PUM1: variants seen among roughly 807,000 people sequenced by gnomAD.
The protein encoded by PUM1 is pumilio homolog 1.
In PUM1, 13 loss-of-function variants were observed where a neutral mutation model predicts 131.8. The observed-to-expected ratio is 0.10, with a 90% CI of 0.06 to 0.16. PUM1 has a LOEUF of 0.16. PUM1 is among the 10% of genes least tolerant of loss of function. The pLI, the probability that PUM1 is intolerant of heterozygous loss-of-function variation, is 1.00. For missense variants in PUM1, 961 were observed against 1,512.4 expected, an observed-to-expected ratio of 0.64 and a Z score of 6.05; for synonymous variants, 509 against 556.5, an observed-to-expected ratio of 0.91 and a Z score of 1.20.
chr1:30,978,148 G>C (rs757964849), intron 9 of PUM1, among the ~76,000 whole-genome samples: 1 of 152,078 alleles, frequency 6.6e-6, no homozygotes, highest in African/African-American at 2.4e-5. Flanking sequence ...AGGAGGTTGA[G>C]GTAGGAGAAT....
intron 2 of PUM1, chr1:31,055,362 G>A (rs149564589): frequency 3.9e-5 from 18 of 456,128 alleles, no homozygotes; most frequent in Admixed American, 1.6e-4. Flanking sequence ...CAATCAACAC[G>A]AAAGTTTCAT....
intron 11 of PUM1, among the ~76,000 whole-genome samples, chr1:30,967,916 C>G (rs1640690420): frequency 6.6e-6 from 1 of 152,114 alleles, no homozygotes; most frequent in Admixed American, 6.5e-5. Flanking sequence ...AGGTAGACAG[C>G]TAAAAAGGAC....
chr1:30,952,433 G>T, intron 15 of PUM1, 70 bp from the exon 16 acceptor site: 1 of 1,603,900 alleles, frequency 6.2e-7, no homozygotes, highest in Middle Eastern at 1.7e-4. Flanking sequence ...GTGTACCTCG[G>T]TTTATAGACT....
rs1163924098 is a variant in PUM1 at position 30,966,240 on chromosome 1, C to T, written c.1828G>A (p.Gly610Ser). 1.2e-6 allele frequency: 2 copies of T among 1,608,384 alleles called. No homozygotes were observed. The highest frequency in any genetic ancestry group is 1.7e-6 in the Non-Finnish European group (2 of 1,175,828). ...CCATTTGTTGTTCCAGCAAGACCAC[C>T]AGCTGCTCCATTTGCTGAAGCTGCG... The part of the protein sequence containing the change: ...AAAASANGAA[G>S]GLAGTTNGPF... Residue 610 changes from glycine to serine, a missense_variant, in exon 13 of 22, where the codon GGT (glycine) becomes AGT (serine). Coordinates refer to ENST00000426105, the MANE Select transcript of PUM1 (RefSeq NM_001020658.2).
rs1640609814 is a variant in PUM1 at position 30,966,104 on chromosome 1, G to A, written c.1964C>T (p.Ser655Leu). ...FYGNNSLNSNSQSSSLFSQGS... is the reference protein window; with the variant it reads ...FYGNNSLNSNLQSSSLFSQGS... ...CTGGGAGAAGAGGGAGCTGCTCTGTGAATTGCTGTTCAGAGAGTTGTTGCC... is the reference window on the plus strand; with the variant it reads ...CTGGGAGAAGAGGGAGCTGCTCTGTAAATTGCTGTTCAGAGAGTTGTTGCC... Residue 655 changes from serine to leucine, a missense_variant, in exon 13 of 22, where the codon TCA becomes TTA. Physicochemically the swap from Ser to Leu is moderately radical, Grantham distance 145 (BLOSUM62 -2). Transcript: ENST00000426105. 6.2e-7 allele frequency: 1 copy of A among 1,614,194 alleles called. No individual in the cohort carries two copies. Among genetic ancestry groups the A allele is most frequent in the Non-Finnish European group, 8.5e-7 (1 of 1,180,024 alleles).
At chr1:31,021,207 G>A (rs1570287778) in intron 3 of PUM1, among the ~76,000 whole-genome samples, 2 of 152,178 alleles carry the variant, frequency 1.3e-5, no homozygotes, top group Non-Finnish European at 2.9e-5. Flanking sequence ...TTTTGCAAAA[G>A]TAGCTAATGA....
chr1:30,974,698 A>T lies in PUM1; in HGVS notation c.1459T>A (p.Ser487Thr), dbSNP rs147524053. Residue 487 changes from serine (S) to threonine (T), a missense_variant, in exon 10 of 22, where the codon TCA (serine) becomes ACA (threonine). Ser to Thr is a moderately conservative substitution (Grantham distance 58, BLOSUM62 1). Around this residue, in one of 4 missense-constraint regions of PUM1, gnomAD observed 654 missense variants for 923.9 expected, o/e 0.71. Coordinates refer to ENST00000426105, the MANE Select transcript of PUM1 (RefSeq NM_001020658.2). ...TGTGGGGTGGTCTGTTGATTAGCTG[A>T]ATTAGTTGCTGCAGCGGCAGCGGCA... ...QAAAAAAATN[S>T]ANQQTTPQAQ... 237 of 1,611,032 alleles carry T rather than the reference A, an allele frequency of 1.5e-4. No individual in the cohort carries two copies. The African/African-American group carries it at 2.9e-3, about 19-fold the overall frequency.
chr1:30,943,357 G>A (rs1291323427), intron 18 of PUM1, among the ~76,000 whole-genome samples: 1 of 151,938 alleles, frequency 6.6e-6, no homozygotes, highest in Non-Finnish European at 1.5e-5. Context: ...CCGCCTCCCG[G>A]GCTCAAGCAA....
intron 5 of PUM1, among the ~76,000 whole-genome samples, chr1:30,999,288 T>C (rs771338187): frequency 2.6e-5 from 4 of 152,092 alleles, no homozygotes; most frequent in African/African-American, 4.8e-5. Flanking sequence ...GTGTGAGCCA[T>C]AACACCTAGC....
chr1:30,977,834 AAGAC>A (rs1417212330), intron 9 of PUM1, among the ~76,000 whole-genome samples: 10 of 152,348 alleles, frequency 6.6e-5, no homozygotes, highest in African/African-American at 1.7e-4. Context: ...AAGACAATTC[AAGAC>A]AGACAGCACA....
rs1234082185 is a variant in PUM1, at chr1:30,953,786, C to T, written c.2519G>A (p.Arg840Gln). The change falls in exon 15 of 22, where the codon CGG (arginine) becomes CAG (glutamine). Residue 840 changes from arginine (R) to glutamine (Q), a missense_variant. Transcript: ENST00000426105. ...SRLLEDFRNN[R>Q]YPNLQLREIA... Reference sequence around the variant, plus strand: ...CTCCCGCAGTTGTAAATTGGGGTACCGGTTGTTTCGAAAATCTTCCAAAAG... The same window carrying T: ...CTCCCGCAGTTGTAAATTGGGGTACTGGTTGTTTCGAAAATCTTCCAAAAG... The T allele has an allele frequency of 1.2e-6, 2 of 1,614,148 alleles. No individual in the cohort carries two copies. The highest frequency in any genetic ancestry group is 8.5e-7 in the Non-Finnish European group (1 of 1,180,022).
chr1:30,960,542 A>G (rs1040778694), intron 14 of PUM1, among the ~76,000 whole-genome samples: 2 of 152,236 alleles, frequency 1.3e-5, no homozygotes, highest in Non-Finnish European at 2.9e-5. Flanking sequence ...AAACAACTAC[A>G]GCGAGGCCAC....
rs181233817 is a variant in PUM1 at position 31,049,121 on chromosome 1, C to G, written c.363+10083G>C. On this transcript the variant is annotated intron_variant, in intron 2 of 21. Transcript: ENST00000426105. ...TCAGGAGGCTGAGGCAGGAGAATCA[C>G]CTGAACCTGGGAGGAGGAGGTTGCA... 2.1e-3 allele frequency among the ~76,000 whole-genome samples: 322 copies of G among 152,238 alleles called. 1 individual carries two copies. The highest frequency in any genetic ancestry group is 7.4e-3 in the African/African-American group (309 of 41,564).
At chr1:30,955,558 C>G (rs1164724176) in intron 14 of PUM1, among the ~76,000 whole-genome samples, 1 of 151,950 alleles carries the variant, frequency 6.6e-6, no homozygotes, top group Non-Finnish European at 1.5e-5. Flanking sequence ...AAAAAAGATG[C>G]CAAGCCTTTC....
intron 3 of PUM1, among the ~76,000 whole-genome samples, chr1:31,021,249 C>A (rs965221131): frequency 2.6e-5 from 4 of 152,134 alleles, no homozygotes; most frequent in African/African-American, 9.7e-5. Context: ...TTGCAGACAG[C>A]CTGAATATAT....
rs145567539 is a variant in PUM1 at position 31,014,258 on chromosome 1, G to A, written c.433-7156C>T. Among the ~76,000 whole-genome samples, 1,168 of 141,708 alleles carry A rather than the reference G, an allele frequency of 8.2e-3. 21 individuals are homozygous for A. The highest frequency in any genetic ancestry group is 0.03 in the African/African-American group (1,119 of 37,406). 93.0% of individuals were successfully genotyped at this position (141,708 alleles called of 152,430 possible). A position where few individuals can be genotyped will look rare whatever the true frequency, so the allele number is the denominator to read the frequency against. On this transcript the variant is annotated intron_variant, in intron 3 of 21. Transcript: ENST00000426105. The stretch of plus-strand genomic sequence containing the variant: ...CAAGGCTGCAGTGAGCCATGATTGT[G>A]CCACTGCACTCTAGCCTGGGCAACA...
intron 7 of PUM1, among the ~76,000 whole-genome samples, chr1:30,988,806 C>T (rs1188841647): frequency 6.6e-6 from 1 of 152,192 alleles, no homozygotes; most frequent in African/African-American, 2.4e-5. Context: ...AAAATGTATT[C>T]CACCTGTCCT....
At chr1:31,033,951 A>G (rs1259131242) in intron 2 of PUM1, among the ~76,000 whole-genome samples, 1 of 152,194 alleles carries the variant, frequency 6.6e-6, no homozygotes, top group Non-Finnish European at 1.5e-5. Context: ...TGGAAAATAA[A>G]TTCAAACAGA....
chr1:31,044,383 CA>C (rs1165060025), intron 2 of PUM1, among the ~76,000 whole-genome samples: 1 of 152,064 alleles, frequency 6.6e-6, no homozygotes, highest in Non-Finnish European at 1.5e-5. Context: ...GCCTGGGCGA[CA>C]GCGAGACTCC....
Sources: gnomAD v4.1 joint callset for allele counts (sites outside exome capture counted in the v4.1 genomes callset) on GRCh38, gnomAD v4.1.1 for gene constraint, gnomAD v4.1.1 regional missense constraint, MANE v1.5 for transcripts, NCBI Gene and HGNC (gene_info 2026-07-23, HGNC 2026-07-21) for gene names.